CNTNAP2: variants seen among roughly 807,000 people sequenced by gnomAD.
CNTNAP2 encodes the protein contactin associated protein 2.
Under a neutral mutation model 155.2 loss-of-function variants are expected in CNTNAP2, and 98 were observed. The ratio of observed to expected loss-of-function variants is 0.63; its 90% confidence interval spans 0.54 to 0.75. The LOEUF (loss-of-function observed/expected upper bound fraction) is 0.75, where lower values mean the gene tolerates loss of function less well. Among genes scored for constraint, CNTNAP2 ranks in the 30% least tolerant of loss-of-function variants. CNTNAP2 has a pLI of 0.00. For missense variants in CNTNAP2, 1,727 were observed against 1,688.1 expected (o/e 1.02, Z -0.40); for synonymous variants, 651 against 631.2 (o/e 1.03, Z -0.47).
rs1193809306 is a variant in CNTNAP2, at chr7:148,142,091, C to CTGTGTGTGTG, written c.2555-5399_2555-5398insGTGTGTGTGT. On this transcript the variant is annotated intron_variant, in intron 16 of 23. Transcript: ENST00000361727. The stretch of plus-strand genomic sequence containing the variant: ...GTGGTTGTTAAGAGTAGAGATATGT[C>CTGTGTGTGTG]TCTGTGTGTGTGTGTGTGTGTGTGT... Among the ~76,000 whole-genome samples the CTGTGTGTGTG allele has an allele frequency of 5.0e-5, 5 of 100,068 alleles. No homozygotes were observed. In the South Asian group the frequency reaches 1.0e-3, roughly 21 times the overall value. The allele number at this position is 100,068 out of a possible 152,430, so 65.6% of individuals were successfully genotyped here. A position where few individuals can be genotyped will look rare whatever the true frequency, so the allele number is the denominator to read the frequency against.
At chr7:147,441,844 T>TCTCTCTCTCTCTCTCC (rs1797643592) in intron 10 of CNTNAP2, among the ~76,000 whole-genome samples, 2 of 132,312 alleles carry the variant, frequency 1.5e-5, no homozygotes, top group African/African-American at 5.3e-5. Context: ...TCTCTCTCTC[T>TCTCTCTCTCTCTCTCC]CTCTCTCCCT....
At chr7:146,495,373 G>A (rs1797198800) in intron 1 of CNTNAP2, among the ~76,000 whole-genome samples, 1 of 152,112 alleles carries the variant, frequency 6.6e-6, no homozygotes, top group South Asian at 2.1e-4. Flanking sequence ...CATGATGTGG[G>A]GGAGAGTTAA....
At chr7:148,056,851 G>T (rs1247055674) in intron 15 of CNTNAP2, among the ~76,000 whole-genome samples, 2 of 152,152 alleles carry the variant, frequency 1.3e-5, no homozygotes, top group Non-Finnish European at 2.9e-5. Flanking sequence ...CTTGAAGGGC[G>T]ATTTAAGAGC....
At chr7:147,019,421 A>G (rs1282805571) in intron 3 of CNTNAP2, among the ~76,000 whole-genome samples, 1 of 151,990 alleles carries the variant, frequency 6.6e-6, no homozygotes, top group African/African-American at 2.4e-5. Flanking sequence ...ATAATTCCCC[A>G]AAAAAGCAAA....
chr7:147,213,208 G>A (rs921577558), intron 8 of CNTNAP2, among the ~76,000 whole-genome samples: 1 of 152,094 alleles, frequency 6.6e-6, no homozygotes, highest in African/African-American at 2.4e-5. Context: ...TTCTGAGGGC[G>A]GAAGAGGAGG....
intron 8 of CNTNAP2, among the ~76,000 whole-genome samples, chr7:147,283,982 T>C (rs1378063050): frequency 1.3e-5 from 2 of 151,838 alleles, no homozygotes; most frequent in Non-Finnish European, 1.5e-5. Flanking sequence ...TGACGAGTCC[T>C]ACATTTTCCA....
intron 12 of CNTNAP2, among the ~76,000 whole-genome samples, chr7:147,585,651 C>G (rs1179949883): frequency 6.6e-6 from 1 of 151,606 alleles, no homozygotes; most frequent in Non-Finnish European, 1.5e-5. Flanking sequence ...TACTTATAAT[C>G]TCTCACCTTT....
At chr7:147,999,936 C>A (rs896213660) in intron 15 of CNTNAP2, among the ~76,000 whole-genome samples, 2 of 152,152 alleles carry the variant, frequency 1.3e-5, no homozygotes, top group Admixed American at 6.5e-5. Flanking sequence ...TGGATTTCTA[C>A]CCCCAGTACT....
chr7:147,919,666 A>C (rs532991070), intron 14 of CNTNAP2, among the ~76,000 whole-genome samples: 1 of 150,898 alleles, frequency 6.6e-6, no homozygotes, highest in East Asian at 2.0e-4. Context: ...CACAGTGTTC[A>C]CTAGGATGGT....
chr7:148,215,856 C>T (rs1327013060), intron 18 of CNTNAP2, among the ~76,000 whole-genome samples: 1 of 152,174 alleles, frequency 6.6e-6, no homozygotes, highest in African/African-American at 2.4e-5. Context: ...CTGCTCTGTG[C>T]CGACCTCTTT....
In CNTNAP2 at chr7:148,403,074, A is replaced by G. The variant is rs559446656; in HGVS notation, c.3716-6317A>G. Among the ~76,000 whole-genome samples the G allele has an allele frequency of 2.1e-5, 3 of 144,106 alleles. 1 individual carries two copies. In the East Asian group the frequency reaches 5.9e-4, roughly 29 times the overall value. The allele number at this position is 144,106 out of a possible 152,430, so 94.5% of individuals were successfully genotyped here. ...CTCTCCTTATTCACTAGGACAGACA[A>G]ACATACTTCTCCTTGGGTGAGGAGC... On this transcript the variant is annotated intron_variant, in intron 22 of 23. Coordinates refer to ENST00000361727, the MANE Select transcript of CNTNAP2 (RefSeq NM_014141.6).
intron 20 of CNTNAP2, among the ~76,000 whole-genome samples, chr7:148,244,430 T>A (rs1398418267): frequency 6.6e-6 from 1 of 152,196 alleles, no homozygotes; most frequent in African/African-American, 2.4e-5. Flanking sequence ...TTGTAAGGAA[T>A]GAGTATTGAG....
intron 3 of CNTNAP2, among the ~76,000 whole-genome samples, chr7:146,951,250 T>C (rs1456177194): frequency 6.6e-6 from 1 of 152,226 alleles, no homozygotes; most frequent in African/African-American, 2.4e-5. Flanking sequence ...AGGTTGCCTG[T>C]TCACTCTGAT....
chr7:147,268,890 C>A (rs942067727), intron 8 of CNTNAP2, among the ~76,000 whole-genome samples: 4 of 152,064 alleles, frequency 2.6e-5, no homozygotes, highest in African/African-American at 7.2e-5. Flanking sequence ...AAGCTTTATA[C>A]AAATTGGAGG....
At chr7:146,478,358 C>A (rs912657657) in intron 1 of CNTNAP2, among the ~76,000 whole-genome samples, 27 of 151,956 alleles carry the variant, frequency 1.8e-4, no homozygotes, top group African/African-American at 6.5e-4. Context: ...CAAAAAACCA[C>A]CAAGAGAGGG....
chr7:147,012,878 C>A (rs1384524546), intron 3 of CNTNAP2, among the ~76,000 whole-genome samples: 1 of 152,084 alleles, frequency 6.6e-6, no homozygotes, highest in Non-Finnish European at 1.5e-5. Context: ...CCTTTTGGGA[C>A]CTGCTAGTAT....
chr7:147,255,347 A>G (rs1057366689), intron 8 of CNTNAP2, among the ~76,000 whole-genome samples: 3 of 152,000 alleles, frequency 2.0e-5, no homozygotes, highest in Non-Finnish European at 4.4e-5. Flanking sequence ...TCAGCCTCCC[A>G]ATTAGATGGG....
At chr7:147,623,328 AGAT>A (rs1323128447) in intron 12 of CNTNAP2, among the ~76,000 whole-genome samples, 1 of 152,126 alleles carries the variant, frequency 6.6e-6, no homozygotes, top group East Asian at 1.9e-4. Context: ...CCTTGTTTGC[AGAT>A]GATATGATCT....
intron 12 of CNTNAP2, among the ~76,000 whole-genome samples, chr7:147,565,318 G>T (rs1290754434): frequency 1.3e-5 from 2 of 152,158 alleles, no homozygotes; most frequent in African/African-American, 4.8e-5. Context: ...AAAGGTGGGT[G>T]GGGGCAGGCC....
Sources: allele counts gnomAD v4.1 joint callset (sites outside exome capture counted in the v4.1 genomes callset), GRCh38; gene constraint gnomAD v4.1.1; transcripts MANE v1.5; gene names NCBI Gene and HGNC (gene_info 2026-07-23, HGNC 2026-07-21).